The following DNM3 variants were observed in gnomAD, a reference collection of about 807,000 sequenced individuals.
DNM3 encodes dynamin 3.
A neutral mutation model predicts 101.6 loss-of-function variants in DNM3; 47 were observed. The ratio of observed to expected loss-of-function variants is 0.46; its 90% CI spans 0.37 to 0.59. The LOEUF (loss-of-function observed/expected upper bound fraction) is 0.59, where lower values mean the gene tolerates loss of function less well. DNM3 is among the 20% of genes least tolerant of loss of function. The pLI is 0.00. For missense variants in DNM3, 849 were observed against 1,085.7 expected, an observed-to-expected ratio of 0.78 and a Z score of 3.06; for synonymous variants, 385 against 387.9, an observed-to-expected ratio of 0.99 and a Z score of 0.09.
chr1:171,885,637 G>A (rs139008182), intron 1 of DNM3, among the ~76,000 whole-genome samples: 27 of 152,276 alleles, frequency 1.8e-4, no homozygotes, highest in African/African-American at 6.5e-4. Flanking sequence ...GTATTGGGGT[G>A]TCAAAGATGT....
intron 2 of DNM3, among the ~76,000 whole-genome samples, chr1:171,936,359 A>AAAAGAAAT (rs1553305750): frequency 2.7e-5 from 4 of 150,596 alleles, no homozygotes; most frequent in Non-Finnish European, 5.9e-5. Flanking sequence ...TCAAAAAAAG[A>AAAAGAAAT]AAAGAAAGAA....
At chr1:171,948,435 T>G (rs1344472114) in intron 2 of DNM3, among the ~76,000 whole-genome samples, 3 of 152,158 alleles carry the variant, frequency 2.0e-5, no homozygotes, top group African/African-American at 4.8e-5. Flanking sequence ...TCATTTTTAT[T>G]TTTTAGGTTT....
At chr1:172,183,377 A>G (rs2059412747) in intron 14 of DNM3, among the ~76,000 whole-genome samples, 1 of 152,236 alleles carries the variant, frequency 6.6e-6, no homozygotes, top group East Asian at 1.9e-4. Flanking sequence ...TTTTAACACA[A>G]ATTAAATTTT....
At chr1:171,894,395 T>C (rs2037580983) in intron 1 of DNM3, among the ~76,000 whole-genome samples, 1 of 152,068 alleles carries the variant, frequency 6.6e-6, no homozygotes, top group Admixed American at 6.5e-5. Flanking sequence ...TATTTTTACT[T>C]ATTTTATTTT....
intron 15 of DNM3, among the ~76,000 whole-genome samples, chr1:172,265,740 C>T (rs1002529236): frequency 6.6e-6 from 1 of 152,092 alleles, no homozygotes; most frequent in African/African-American, 2.4e-5. Flanking sequence ...TCTCGGCTCT[C>T]CCCAGGCAGG....
intron 13 of DNM3, among the ~76,000 whole-genome samples, chr1:172,098,580 A>G (rs2054412317): frequency 6.6e-6 from 1 of 152,238 alleles, no homozygotes. Flanking sequence ...TTAAGAGATT[A>G]AAGTAAAGAC....
chr1:172,365,107 T>A (rs1334133234), intron 17 of DNM3, among the ~76,000 whole-genome samples: 1 of 151,900 alleles, frequency 6.6e-6, no homozygotes, highest in Non-Finnish European at 1.5e-5. Flanking sequence ...TTAAAAACAT[T>A]CTTTAAAGAC....
In DNM3 at chr1:171,916,072, C is replaced by T. The variant is rs1191274180; in HGVS notation, c.162-5676C>T. 2.6e-5 allele frequency among the ~76,000 whole-genome samples: 4 copies of T among 152,090 alleles called. No homozygotes were observed. In the South Asian group the frequency reaches 8.3e-4, roughly 32 times the overall value. On this transcript the variant is annotated intron_variant, in intron 1 of 20. Transcript: ENST00000627582. Reference sequence around the variant, plus strand: ...TACATGTTGTTTCAATCAGATATTCCCCAGGCATGTAAAGATAAATGTGTA... The same window carrying T: ...TACATGTTGTTTCAATCAGATATTCTCCAGGCATGTAAAGATAAATGTGTA...
intron 4 of DNM3, among the ~76,000 whole-genome samples, chr1:172,015,983 G>A (rs902642213): frequency 2.0e-5 from 3 of 150,338 alleles, no homozygotes; most frequent in African/African-American, 4.9e-5. Context: ...TGAGAGCAGC[G>A]TGGCCAACAT....
chr1:172,081,694 T>C, intron 11 of DNM3, 138 bp from the exon 12 acceptor site: 1 of 667,508 alleles, frequency 1.5e-6, no homozygotes, highest in Non-Finnish European at 2.5e-6. Flanking sequence ...TAAAGAAAAG[T>C]TAAGGTTACT....
At chr1:172,133,750 C>G (rs533249842) in intron 14 of DNM3, among the ~76,000 whole-genome samples, 1 of 152,096 alleles carries the variant, frequency 6.6e-6, no homozygotes, top group Non-Finnish European at 1.5e-5. Flanking sequence ...ATGAGCTGTG[C>G]AGAAGATTTT....
intron 14 of DNM3, among the ~76,000 whole-genome samples, chr1:172,201,092 T>A (rs762481862): frequency 6.6e-6 from 1 of 152,178 alleles, no homozygotes; most frequent in Non-Finnish European, 1.5e-5. Flanking sequence ...AGGTCTTTAT[T>A]TGAAGCTGCC....
chr1:172,076,003 G>T (rs781439720), intron 11 of DNM3, among the ~76,000 whole-genome samples: 1 of 152,134 alleles, frequency 6.6e-6, no homozygotes, highest in Admixed American at 6.5e-5. Flanking sequence ...GCAGTGGTTT[G>T]TAGTTCTCTT....
intron 3 of DNM3, 39 bp from the exon 4 acceptor site, chr1:171,988,906 T>C (rs1026339359): frequency 1.5e-5 from 23 of 1,504,904 alleles, no homozygotes; most frequent in Non-Finnish European, 1.8e-5. Context: ...CTTTTAGCAT[T>C]GAAGGTGTAT....
At chr1:172,338,197 G>C (rs2066533292) in intron 17 of DNM3, among the ~76,000 whole-genome samples, 1 of 152,120 alleles carries the variant, frequency 6.6e-6, no homozygotes, top group Non-Finnish European at 1.5e-5. Context: ...TTACAGGCGT[G>C]AGCCACTGCA....
chr1:172,120,099 G>C (rs1454837541), intron 13 of DNM3, among the ~76,000 whole-genome samples: 1 of 152,130 alleles, frequency 6.6e-6, no homozygotes, highest in Non-Finnish European at 1.5e-5. Flanking sequence ...GTATTAGTCT[G>C]TTCTCACACT....
chr1:172,407,712 G>C, intron 20 of DNM3, 60 bp from the exon 21 acceptor site: 1 of 1,563,714 alleles, frequency 6.4e-7, no homozygotes, highest in Non-Finnish European at 8.8e-7. Context: ...AGTGTCCTTG[G>C]AACAATGTTC....
At chr1:172,320,471 T>A (rs1315104628) in intron 16 of DNM3, among the ~76,000 whole-genome samples, 9 of 152,014 alleles carry the variant, frequency 5.9e-5, no homozygotes, top group Non-Finnish European at 1.0e-4. Context: ...TGAGTTCATG[T>A]CGTTTGCAGG....
At chr1:172,378,683 T>C (rs570694904) in intron 17 of DNM3, among the ~76,000 whole-genome samples, 1 of 152,178 alleles carries the variant, frequency 6.6e-6, no homozygotes, top group East Asian at 1.9e-4. Context: ...TTGGATTCAA[T>C]TCTTTGGCCA....
Sources: allele counts gnomAD v4.1 joint callset (sites outside exome capture counted in the v4.1 genomes callset), GRCh38; gene constraint gnomAD v4.1.1; transcripts MANE v1.5; gene names NCBI Gene and HGNC (gene_info 2026-07-23, HGNC 2026-07-21).